Variants in FOXP1 observed in about 807,000 individuals in gnomAD.
FOXP1 encodes forkhead box P1.
A neutral mutation model predicts 98.2 loss-of-function variants in FOXP1; 15 were observed. The ratio of observed to expected loss-of-function variants is 0.15; its 90% CI spans 0.10 to 0.24. FOXP1 has a LOEUF of 0.24. Among genes scored for constraint, FOXP1 ranks in the 10% least tolerant of loss-of-function variants. The probability of loss-of-function intolerance (pLI) is 1.00; values close to 1 mark genes in which losing one functional copy is unlikely to be tolerated. For missense variants in FOXP1, 633 were observed against 848.5 expected, an observed-to-expected ratio of 0.75 and a Z score of 3.15; for synonymous variants, 371 against 314.5, an observed-to-expected ratio of 1.18 and a Z score of -1.90.
intron 6 of FOXP1, among the ~76,000 whole-genome samples, chr3:71,117,132 G>C (rs2107788035): frequency 6.6e-6 from 1 of 152,032 alleles, no homozygotes; most frequent in Non-Finnish European, 1.5e-5. Context: ...ATGTTACCTG[G>C]GCTGAAGTGC....
intron 5 of FOXP1, among the ~76,000 whole-genome samples, chr3:71,255,260 T>C (rs1369682225): frequency 2.0e-5 from 3 of 152,196 alleles, no homozygotes; most frequent in Non-Finnish European, 4.4e-5. Flanking sequence ...AGGAATTGTT[T>C]AGGTCAGAAT....
At chr3:71,583,971 G>A, upstream of FOXP1, 3 of 963,240 alleles carry the variant, frequency 3.1e-6, no homozygotes, top group South Asian at 4.8e-5. Flanking sequence ...GTTCGCCGGG[G>A]CGCTGGCGCC....
rs1054124923 is a variant in FOXP1 at position 71,554,289 on chromosome 3, G to A, written c.-298+27260C>T. On this transcript the variant is annotated intron_variant, in intron 2 of 20. Coordinates refer to ENST00000649528, the MANE Select transcript of FOXP1 (RefSeq NM_001349338.3). ...GGATAGCTTGAGACCACGAGTCAAG[G>A]CTGCAGTGAGCTATGATCATAACAC... Among the ~76,000 whole-genome samples the A allele has an allele frequency of 3.2e-4, 48 of 152,174 alleles. 2 individuals are homozygous for A. The highest frequency in any genetic ancestry group is 7.4e-5 in the Non-Finnish European group (5 of 68,014).
chr3:70,976,346 G>C (rs534789459), intron 17 of FOXP1, among the ~76,000 whole-genome samples: 2 of 152,262 alleles, frequency 1.3e-5, no homozygotes, highest in Admixed American at 1.3e-4. Flanking sequence ...GAGCCACTGT[G>C]CCTGGCCGAC....
At chr3:71,327,600 G>T (rs1275172003) in intron 4 of FOXP1, among the ~76,000 whole-genome samples, 2 of 151,474 alleles carry the variant, frequency 1.3e-5, no homozygotes, top group Non-Finnish European at 2.9e-5. Context: ...TGTTAGCCAG[G>T]ATGGTCTTGA....
At chr3:71,348,512 T>TGTGTGTGC (rs1291152602) in intron 4 of FOXP1, among the ~76,000 whole-genome samples, 2 of 65,178 alleles carry the variant, frequency 3.1e-5, no homozygotes, top group African/African-American at 1.0e-4. Flanking sequence ...GTTCAGTGTG[T>TGTGTGTGC]GTGTGTGTGC....
chr3:71,502,263 G>A (rs188552350), intron 2 of FOXP1, among the ~76,000 whole-genome samples: 26 of 152,310 alleles, frequency 1.7e-4, no homozygotes, highest in Admixed American at 1.4e-3. Context: ...GGCAAGTGGC[G>A]GCCCGGTCCC....
chr3:71,006,962 T>C (rs1021498736), intron 12 of FOXP1, among the ~76,000 whole-genome samples: 21 of 152,170 alleles, frequency 1.4e-4, no homozygotes, highest in African/African-American at 4.8e-4. Context: ...CTGTTATCTT[T>C]GGCAAACTTG....
intron 5 of FOXP1, among the ~76,000 whole-genome samples, chr3:71,285,203 A>C (rs2071982881): frequency 1.3e-5 from 2 of 152,164 alleles, no homozygotes; most frequent in South Asian, 4.1e-4. Context: ...CAAAAATAGT[A>C]AGAAACACAC....
chr3:70,970,606 T>G, intron 19 of FOXP1, 130 bp downstream of exon 19: 1 of 822,816 alleles, frequency 1.2e-6, no homozygotes, highest in South Asian at 1.4e-5. Context: ...GTATGATGCT[T>G]TGTGCACTTA....
chr3:71,436,686 G>A (rs2085392317), intron 3 of FOXP1, among the ~76,000 whole-genome samples: 1 of 152,086 alleles, frequency 6.6e-6, no homozygotes, highest in Non-Finnish European at 1.5e-5. Context: ...TGAACCGACT[G>A]TAGTCATAAA....
At chr3:71,457,223 A>G (rs2108521695) in intron 3 of FOXP1, among the ~76,000 whole-genome samples, 1 of 152,346 alleles carries the variant, frequency 6.6e-6, no homozygotes, top group African/African-American at 2.4e-5. Context: ...TTTCAAAATT[A>G]GCAATCCAAT....
At chr3:71,438,776 G>A (rs1577514352) in intron 3 of FOXP1, among the ~76,000 whole-genome samples, 1 of 150,934 alleles carries the variant, frequency 6.6e-6, no homozygotes. Flanking sequence ...ATAGATACAA[G>A]CTTTTCAACA....
chr3:71,424,185 T>C (rs1003224307), intron 3 of FOXP1, among the ~76,000 whole-genome samples: 7 of 152,104 alleles, frequency 4.6e-5, no homozygotes, highest in African/African-American at 1.7e-4. Flanking sequence ...CCTTTAACCA[T>C]AGTCTCACCA....
At chr3:71,046,855 T>C (rs111897297) in intron 10 of FOXP1, 87 bp downstream of exon 10, 4 of 1,425,868 alleles carry the variant, frequency 2.8e-6, no homozygotes, top group African/African-American at 1.4e-5. Flanking sequence ...TGATGGACAA[T>C]GTCCTTAACA....
At chr3:71,181,172 A>G (rs1450159001) in intron 6 of FOXP1, among the ~76,000 whole-genome samples, 2 of 152,168 alleles carry the variant, frequency 1.3e-5, no homozygotes, top group African/African-American at 4.8e-5. Context: ...CAATGACCCA[A>G]GATGATTGGA....
At chr3:71,178,140 T>G (rs1347868323) in intron 6 of FOXP1, among the ~76,000 whole-genome samples, 9 of 106,050 alleles carry the variant, frequency 8.5e-5, no homozygotes, top group Non-Finnish European at 1.7e-4. Flanking sequence ...CAGTCAGTCT[T>G]TTTTTTTTTT....
intron 14 of FOXP1, among the ~76,000 whole-genome samples, chr3:70,987,465 T>C (rs1430654803): frequency 1.3e-5 from 2 of 152,224 alleles, no homozygotes; most frequent in Non-Finnish European, 2.9e-5. Context: ...TCAAACTCCT[T>C]AGTAACCATT....
chr3:71,565,921 G>A (rs1172686566), intron 2 of FOXP1, among the ~76,000 whole-genome samples: 1 of 152,230 alleles, frequency 6.6e-6, no homozygotes, highest in East Asian at 1.9e-4. Flanking sequence ...GAGTACATGA[G>A]AGAAGAGGTG....
Sources: gnomAD v4.1 joint callset for allele counts (sites outside exome capture counted in the v4.1 genomes callset) on GRCh38, gnomAD v4.1.1 for gene constraint, MANE v1.5 for transcripts, NCBI Gene and HGNC (gene_info 2026-07-23, HGNC 2026-07-21) for gene names.